SPTLC1: variants seen among roughly 807,000 people sequenced by gnomAD.
SPTLC1 encodes the protein serine palmitoyltransferase 1.
Under a neutral mutation model 68.9 loss-of-function variants are expected in SPTLC1, and 55 were observed. That is an observed-to-expected ratio of 0.80 (90% confidence interval 0.64 to 1.00). The LOEUF is 1.00. SPTLC1 is among the 50% of genes least tolerant of loss of function. The probability of loss-of-function intolerance (pLI) is 0.00; values close to 1 mark genes in which losing one functional copy is unlikely to be tolerated. For synonymous variants in SPTLC1, 197 were observed against 201.6 expected (o/e 0.98, Z 0.19); for missense variants, 449 against 573.1 (o/e 0.78, Z 2.21).
intron 12 of SPTLC1, among the ~76,000 whole-genome samples, chr9:92,041,324 C>T (rs1030973906): frequency 9.2e-5 from 14 of 151,936 alleles, no homozygotes; most frequent in South Asian, 2.1e-4. Flanking sequence ...TTGGAAAATA[C>T]GAAATAAAAC....
intron 5 of SPTLC1, among the ~76,000 whole-genome samples, chr9:92,075,764 C>T (rs1473740449): frequency 6.6e-6 from 1 of 152,202 alleles, no homozygotes; most frequent in Non-Finnish European, 1.5e-5. Context: ...TCCCCACCTC[C>T]TCCAGCTCTA....
At chr9:92,033,848 A>G (rs56248784) in intron 14 of SPTLC1, among the ~76,000 whole-genome samples, 24,296 of 152,084 alleles carry the variant, frequency 0.16, 2,809 homozygotes, top group African/African-American at 0.33. Flanking sequence ...ACCTGGCTGA[A>G]AAGGGCAGGC....
chr9:92,058,435 T>A (rs1448987652), intron 7 of SPTLC1, among the ~76,000 whole-genome samples: 4 of 152,200 alleles, frequency 2.6e-5, no homozygotes, highest in Non-Finnish European at 5.9e-5. Context: ...AAGACACACA[T>A]CATGGTGTCC....
chr9:92,058,288 A>G (rs1328749662), intron 7 of SPTLC1, among the ~76,000 whole-genome samples: 1 of 151,488 alleles, frequency 6.6e-6, no homozygotes, highest in Admixed American at 6.6e-5. Flanking sequence ...ATCCTAAATG[A>G]ATAATGCAAA....
rs762677125 is a variant in SPTLC1, at chr9:92,045,997, ACCCTTG to A, written c.1132_1136+1del. Reference sequence around the variant, plus strand: ...TGTTGGTTGAAAATATATAAAACTCACCCTTGTAAAGCTTTATGAATTTGTCCGCAC... The same window carrying A: ...TGTTGGTTGAAAATATATAAAACTCATAAAGCTTTATGAATTTGTCCGCAC... On this transcript the variant is annotated splice_donor_variant and coding_sequence_variant, in exon 12 of 15. Coordinates refer to ENST00000262554, the MANE Select transcript of SPTLC1 (RefSeq NM_006415.4). LOFTEE classifies it high-confidence loss of function. 6.2e-7 allele frequency: 1 copy of A among 1,611,120 alleles called. No individual in the cohort carries two copies. The highest frequency in any genetic ancestry group is 1.1e-5 in the South Asian group (1 of 90,954).
At chr9:92,098,448 AGCCTTATTGATCCACAGTGCCCTTCCATT>A in intron 3 of SPTLC1, among the ~76,000 whole-genome samples, 1 of 152,176 alleles carries the variant, frequency 6.6e-6, no homozygotes, top group Non-Finnish European at 1.5e-5. Flanking sequence ...CTCGCCCCTC[AGCCTTATTGATCCACAGTGCCCTTCCATT>A]GCCTTTCACT....
At chr9:92,077,416 T>C (rs1834719872) in intron 5 of SPTLC1, among the ~76,000 whole-genome samples, 1 of 152,072 alleles carries the variant, frequency 6.6e-6, no homozygotes, top group Admixed American at 6.5e-5. Context: ...GACAGGACCT[T>C]ACCTGGTCGT....
intron 13 of SPTLC1, among the ~76,000 whole-genome samples, chr9:92,037,811 G>A (rs1833195351): frequency 6.6e-6 from 1 of 152,182 alleles, no homozygotes; most frequent in African/African-American, 2.4e-5. Flanking sequence ...GACTGTGAGT[G>A]GACTGTCCCT....
intron 1 of SPTLC1, among the ~76,000 whole-genome samples, chr9:92,113,816 A>G (rs1033586041): frequency 6.6e-5 from 10 of 152,260 alleles, no homozygotes; most frequent in Non-Finnish European, 1.5e-4. Flanking sequence ...GTTTGGTGAT[A>G]TTAAATCATC....
At chr9:92,062,016 T>C (rs1288196734) in intron 6 of SPTLC1, among the ~76,000 whole-genome samples, 2 of 152,162 alleles carry the variant, frequency 1.3e-5, no homozygotes, top group African/African-American at 2.4e-5. Flanking sequence ...TAAATGTAAA[T>C]GTACAAATAC....
rs1016592020 is a variant in SPTLC1, at chr9:92,034,695, G to C, written c.1328+115C>G. On this transcript the variant is annotated intron_variant, in intron 14 of 14. Transcript: ENST00000262554. The stretch of plus-strand genomic sequence containing the variant: ...GACAGGTAATGTACTATATTTTAAT[G>C]ACAGATATTCTTCCATAGCCTATGA... 7 of 850,272 alleles carry C rather than the reference G, an allele frequency of 8.2e-6. No individual in the cohort carries two copies. In the Admixed American group the frequency reaches 9.2e-5, roughly 11 times the overall value. 52.7% of individuals were successfully genotyped at this position (850,272 alleles called of 1,614,324 possible). A position where few individuals can be genotyped will look rare whatever the true frequency, so the allele number is the denominator to read the frequency against.
chr9:92,044,673 G>C (rs1217095583), intron 12 of SPTLC1, among the ~76,000 whole-genome samples: 1 of 152,166 alleles, frequency 6.6e-6, no homozygotes, highest in Non-Finnish European at 1.5e-5. Flanking sequence ...CAAAGTAGCA[G>C]GGACAAGCAA....
chr9:92,107,483 C>T (rs1160200060), intron 3 of SPTLC1, among the ~76,000 whole-genome samples: 5 of 152,188 alleles, frequency 3.3e-5, no homozygotes, highest in African/African-American at 1.2e-4. Context: ...CCAGGTGCGG[C>T]GGCTCACGCC....
intron 3 of SPTLC1, among the ~76,000 whole-genome samples, chr9:92,088,620 A>G (rs532868740): frequency 1.8e-4 from 27 of 152,374 alleles, no homozygotes; most frequent in South Asian, 4.1e-4. Context: ...ATAAACGTTG[A>G]GACCATTCTA....
chr9:92,043,769 A>G (rs1314244460), intron 12 of SPTLC1, among the ~76,000 whole-genome samples: 1 of 152,108 alleles, frequency 6.6e-6, no homozygotes, highest in African/African-American at 2.4e-5. Context: ...ACTGCTGTTC[A>G]ATGTATTTTT....
Position 92,115,304 on chromosome 9 carries a change from C to G in SPTLC1, c.57+10G>C. ...GTGTGGTCGCGGACCGCTAATGGCG[C>G]GGAGCCCACCTCGTAAAGCGCCTGT... On this transcript the variant is annotated intron_variant, in intron 1 of 14. Transcript: ENST00000262554. The G allele has an allele frequency of 6.2e-7, 1 of 1,611,678 alleles. No homozygotes were observed. Among genetic ancestry groups the G allele is most frequent in the Non-Finnish European group, 8.5e-7 (1 of 1,179,868 alleles).
chr9:92,087,529 C>T (rs1835190870), intron 3 of SPTLC1, among the ~76,000 whole-genome samples: 1 of 152,206 alleles, frequency 6.6e-6, no homozygotes, highest in Admixed American at 6.5e-5. Context: ...ATTTGCCTGG[C>T]TATCAGCAGC....
chr9:92,072,312 CTCTT>C (rs1834523100), intron 5 of SPTLC1, among the ~76,000 whole-genome samples: 1 of 152,166 alleles, frequency 6.6e-6, no homozygotes, highest in Non-Finnish European at 1.5e-5. Flanking sequence ...ATCTCTCTCC[CTCTT>C]TTTCTCTCCT....
chr9:92,085,292 T>G (rs1835075190), intron 3 of SPTLC1, among the ~76,000 whole-genome samples: 2 of 144,370 alleles, frequency 1.4e-5, no homozygotes, highest in South Asian at 2.2e-4. Flanking sequence ...AGCTTTTGAA[T>G]GTGTTTGCTC....
Sources: gnomAD v4.1 joint callset for allele counts (sites outside exome capture counted in the v4.1 genomes callset) on GRCh38, gnomAD v4.1.1 for gene constraint, MANE v1.5 for transcripts, NCBI Gene and HGNC (gene_info 2026-07-23, HGNC 2026-07-21) for gene names.